Variants in ACOXL observed in about 807,000 individuals in gnomAD.
The protein encoded by ACOXL is acyl-coenzyme A oxidase-like protein.
A neutral mutation model predicts 71.9 loss-of-function variants in ACOXL; 70 were observed. That is an observed-to-expected ratio of 0.97 (90% confidence interval 0.80 to 1.19). The LOEUF (loss-of-function observed/expected upper bound fraction) is 1.19, where lower values mean the gene tolerates loss of function less well. Among genes scored for constraint, ACOXL ranks in the 50% most tolerant of loss-of-function variants. The probability of loss-of-function intolerance (pLI) is 0.00; values close to 1 mark genes in which losing one functional copy is unlikely to be tolerated. For synonymous variants in ACOXL, 253 were observed against 281.6 expected, an observed-to-expected ratio of 0.90 and a Z score of 1.02; for missense variants, 703 against 736.3, an observed-to-expected ratio of 0.95 and a Z score of 0.52.
chr2:111,070,181 C>A (rs987419868), intron 16 of ACOXL, among the ~76,000 whole-genome samples: 1 of 152,096 alleles, frequency 6.6e-6, no homozygotes, highest in African/African-American at 2.4e-5. Flanking sequence ...AATCATTCTA[C>A]CATAAAGGCA....
chr2:111,099,626 A>G (rs1383231703), intron 17 of ACOXL: 1 of 152,202 alleles, frequency 6.6e-6, no homozygotes, highest in Admixed American at 6.5e-5. Flanking sequence ...CTCTAAGTAC[A>G]CAAGATTCCT....
intron 8 of ACOXL, among the ~76,000 whole-genome samples, chr2:110,802,656 C>T (rs1686144833): frequency 8.6e-5 from 13 of 151,310 alleles, no homozygotes; most frequent in Admixed American, 8.5e-4. Flanking sequence ...TACCCCTGAA[C>T]TTAAAATAAA....
rs113682220 is a variant in ACOXL, at chr2:110,821,285, CT to C, written c.753+15899del. ...TTCAAAATACTTTCTCTCTCTCTCT[CT>C]TTTTTTTTAACATATTTCTGCTAGT... is the stretch of plus-strand genomic sequence containing the variant. On this transcript the variant is annotated intron_variant, in intron 9 of 17. Transcript: ENST00000439055. 2.4e-3 allele frequency among the ~76,000 whole-genome samples: 370 copies of C among 151,370 alleles called. 2 individuals carry two copies. Among genetic ancestry groups the C allele is most frequent in the African/African-American group, 8.5e-3 (352 of 41,254 alleles).
At chr2:111,012,084 G>T (rs2064195372) in intron 14 of ACOXL, among the ~76,000 whole-genome samples, 1 of 152,094 alleles carries the variant, frequency 6.6e-6, no homozygotes, top group Admixed American at 6.6e-5. Context: ...AAATAAGTAG[G>T]TAAAAATGTA....
chr2:110,870,341 T>A (rs1305551921), intron 10 of ACOXL, among the ~76,000 whole-genome samples: 1 of 69,082 alleles, frequency 1.4e-5, no homozygotes, highest in Non-Finnish European at 3.6e-5. Context: ...AGCCCTAGAC[T>A]TTTTTTTTTT....
chr2:110,933,315 G>A (rs1198874335), intron 11 of ACOXL, among the ~76,000 whole-genome samples, 174 bp from the exon 12 acceptor site: 1 of 152,180 alleles, frequency 6.6e-6, no homozygotes, highest in Non-Finnish European at 1.5e-5. Context: ...TCCACTGGTA[G>A]CGTTTTAACT....
chr2:110,907,115 A>C (rs2059479804), intron 10 of ACOXL, among the ~76,000 whole-genome samples: 1 of 152,222 alleles, frequency 6.6e-6, no homozygotes, highest in Non-Finnish European at 1.5e-5. Flanking sequence ...GGAGACTGCA[A>C]GTCAAAAGTC....
At chr2:110,733,867 C>T (rs527585118) in intron 1 of ACOXL, among the ~76,000 whole-genome samples, 1 of 152,228 alleles carries the variant, frequency 6.6e-6, no homozygotes, top group African/African-American at 2.4e-5. Context: ...TGGGGGGACC[C>T]AAGAGCATTT....
chr2:110,936,525 G>A (rs2060668972), intron 12 of ACOXL, among the ~76,000 whole-genome samples: 1 of 151,968 alleles, frequency 6.6e-6, no homozygotes, highest in Non-Finnish European at 1.5e-5. Flanking sequence ...CCCTCCCAAA[G>A]TGCTGGGATT....
At chr2:110,869,979 CCG>C (rs1695071356) in intron 10 of ACOXL, among the ~76,000 whole-genome samples, 1 of 152,260 alleles carries the variant, frequency 6.6e-6, no homozygotes, top group Admixed American at 6.5e-5. Flanking sequence ...AATGGATTCA[CCG>C]AGCATGTGGG....
chr2:110,991,733 T>C (rs2063183332), intron 13 of ACOXL, among the ~76,000 whole-genome samples: 1 of 152,194 alleles, frequency 6.6e-6, no homozygotes, highest in Non-Finnish European at 1.5e-5. Context: ...ATTCAAACTG[T>C]GGTCCATCTT....
intron 16 of ACOXL, among the ~76,000 whole-genome samples, chr2:111,089,246 G>A (rs977004588): frequency 1.3e-5 from 2 of 152,186 alleles, no homozygotes; most frequent in African/African-American, 4.8e-5. Flanking sequence ...GTTGTAGTGA[G>A]CCAAGATTGC....
chr2:111,093,114 T>G, intron 17 of ACOXL, 148 bp downstream of exon 17: 2 of 644,204 alleles, frequency 3.1e-6, no homozygotes, highest in South Asian at 4.2e-5. Context: ...TCATTACCTA[T>G]CATGATCGTA....
intron 16 of ACOXL, among the ~76,000 whole-genome samples, chr2:111,061,598 G>T (rs35574878): frequency 0.21 from 31,622 of 152,038 alleles, 3,653 homozygotes; most frequent in East Asian, 0.45. Context: ...AATTCAATTA[G>T]CTCTCCTTCT....
chr2:111,039,231 C>T (rs1176869472), intron 15 of ACOXL, among the ~76,000 whole-genome samples: 1 of 152,176 alleles, frequency 6.6e-6, no homozygotes, highest in Non-Finnish European at 1.5e-5. Flanking sequence ...GAGATAAAAA[C>T]ATCATTTTTA....
At chr2:110,844,928 T>C (rs1322618713) in intron 10 of ACOXL, among the ~76,000 whole-genome samples, 1 of 152,184 alleles carries the variant, frequency 6.6e-6, no homozygotes, top group Non-Finnish European at 1.5e-5. Context: ...ATGAGGGATG[T>C]AGGTTTCTGG....
chr2:110,821,962 T>TGTGTGA (rs1344964156), intron 9 of ACOXL, among the ~76,000 whole-genome samples: 1 of 152,018 alleles, frequency 6.6e-6, no homozygotes, highest in East Asian at 1.9e-4. Flanking sequence ...TGTGAGTGTG[T>TGTGTGA]GTGTGAGTGT....
At chr2:110,973,946 G>T (rs1196431174) in intron 12 of ACOXL, among the ~76,000 whole-genome samples, 1 of 152,138 alleles carries the variant, frequency 6.6e-6, no homozygotes, top group Non-Finnish European at 1.5e-5. Flanking sequence ...GCTGGGGAGG[G>T]TCAGCCTGCT....
chr2:111,100,039 C>T (rs2069037049), intron 17 of ACOXL: 1 of 152,190 alleles, frequency 6.6e-6, no homozygotes, highest in Admixed American at 6.5e-5. Flanking sequence ...CCCTGAACTC[C>T]TGGACACAGC....
Sources: allele counts gnomAD v4.1 joint callset (sites outside exome capture counted in the v4.1 genomes callset), GRCh38; gene constraint gnomAD v4.1.1; transcripts MANE v1.5; gene names NCBI Gene and HGNC (gene_info 2026-07-23, HGNC 2026-07-21).